Variants in PEX5L observed in about 807,000 individuals in gnomAD.
PEX5L encodes the protein PEX5-related protein.
PEX5L carries 30 observed loss-of-function variants against 84.0 expected under a neutral mutation model. The observed-to-expected ratio is 0.36, with a 90% CI of 0.27 to 0.48. The LOEUF (loss-of-function observed/expected upper bound fraction) is 0.48. Ranked by LOEUF, PEX5L falls within the 20% of genes least tolerant of loss-of-function variation. The probability of loss-of-function intolerance (pLI) is 0.99; values close to 1 mark genes in which losing one functional copy is unlikely to be tolerated. For synonymous variants in PEX5L, 270 were observed against 283.1 expected (o/e 0.95, Z 0.46); for missense variants, 533 against 754.6 (o/e 0.71, Z 3.44).
intron 7 of PEX5L, among the ~76,000 whole-genome samples, chr3:179,867,033 A>G (rs1332232258): frequency 3.3e-5 from 5 of 150,034 alleles, no homozygotes; most frequent in Non-Finnish European, 7.4e-5. Context: ...CTCAAAAAAA[A>G]AAAAAAAAGA....
In PEX5L at chr3:180,036,718, A is replaced by C; in HGVS notation, c.-119T>G. 9.5e-7 allele frequency: 1 copy of C among 1,052,604 alleles called. No homozygotes were observed. The highest frequency in any genetic ancestry group is 1.5e-6 in the Non-Finnish European group (1 of 675,946). 65.2% of individuals were successfully genotyped at this position (1,052,604 alleles called of 1,614,324 possible). A position where few individuals can be genotyped will look rare whatever the true frequency, so the allele number is the denominator to read the frequency against. Reference sequence around the variant, plus strand: ...AGCGGGTTCTCAGAGGGTGCTCCTGAGCCCCCTGGAGCTCCGGGTACTCGG... The same window carrying C: ...AGCGGGTTCTCAGAGGGTGCTCCTGCGCCCCCTGGAGCTCCGGGTACTCGG... On this transcript the variant is annotated 5_prime_UTR_variant, in exon 1 of 15. Transcript: ENST00000467460.
intron 8 of PEX5L, among the ~76,000 whole-genome samples, chr3:179,837,997 T>G (rs1340725746): frequency 1.3e-5 from 2 of 152,136 alleles, no homozygotes; most frequent in East Asian, 3.8e-4. Context: ...CCCCAAAAGT[T>G]TTAAATGTTT....
At chr3:180,025,570 G>T (rs1025616341) in intron 1 of PEX5L, among the ~76,000 whole-genome samples, 2 of 152,194 alleles carry the variant, frequency 1.3e-5, no homozygotes, top group Non-Finnish European at 2.9e-5. Flanking sequence ...CTGGGAGAGG[G>T]GTGGTGGTGC....
chr3:179,933,867 T>A (rs180803783), intron 2 of PEX5L, among the ~76,000 whole-genome samples: 1 of 152,374 alleles, frequency 6.6e-6, no homozygotes, highest in African/African-American at 2.4e-5. Context: ...CCTGCTGGTC[T>A]TAGGACCACC....
At chr3:179,842,994 T>A (rs570161982) in intron 8 of PEX5L, among the ~76,000 whole-genome samples, 1 of 152,188 alleles carries the variant, frequency 6.6e-6, no homozygotes, top group East Asian at 1.9e-4. Flanking sequence ...TACTAGATGT[T>A]CTCTTTTCCC....
At chr3:179,821,108 G>A (rs1385575850) in intron 8 of PEX5L, among the ~76,000 whole-genome samples, 2 of 152,186 alleles carry the variant, frequency 1.3e-5, no homozygotes, top group African/African-American at 2.4e-5. Flanking sequence ...GAAGCGGCGG[G>A]GCGGCGGGTG....
In PEX5L at chr3:180,019,425, G is replaced by A. The variant is rs73059356; in HGVS notation, c.21+17154C>T. Reference sequence around the variant, plus strand: ...ATTTGCTAACATTCTATAAAAGTGTGCTCCTGGCTCTGGTTGGAATTTTAG... The same window carrying A: ...ATTTGCTAACATTCTATAAAAGTGTACTCCTGGCTCTGGTTGGAATTTTAG... On this transcript the variant is annotated intron_variant, in intron 1 of 14. Coordinates refer to ENST00000467460, the MANE Select transcript of PEX5L (RefSeq NM_016559.3). 8.8e-3 allele frequency among the ~76,000 whole-genome samples: 1,333 copies of A among 152,252 alleles called. 18 individuals are homozygous for A. Among genetic ancestry groups the A allele is most frequent in the African/African-American group, 0.031 (1,271 of 41,548 alleles).
intron 7 of PEX5L, among the ~76,000 whole-genome samples, chr3:179,873,652 C>T (rs1306500805): frequency 6.6e-6 from 1 of 152,088 alleles, no homozygotes; most frequent in Non-Finnish European, 1.5e-5. Context: ...TGGTTCACAC[C>T]CTACTTCCAC....
chr3:179,974,440 A>T (rs1335004069), intron 1 of PEX5L, among the ~76,000 whole-genome samples: 1 of 152,180 alleles, frequency 6.6e-6, no homozygotes, highest in Non-Finnish European at 1.5e-5. Flanking sequence ...CTGTTCCCCT[A>T]GGTGCAGCCG....
chr3:180,018,812 TCC>T (rs1790167346), intron 1 of PEX5L, among the ~76,000 whole-genome samples: 1 of 152,158 alleles, frequency 6.6e-6, no homozygotes, highest in South Asian at 2.1e-4. Context: ...CTCAAAGGGC[TCC>T]CCCTGCCTCT....
At chr3:179,851,145 A>C (rs1464506720) in intron 8 of PEX5L, among the ~76,000 whole-genome samples, 3 of 152,204 alleles carry the variant, frequency 2.0e-5, no homozygotes, top group Admixed American at 2.0e-4. Flanking sequence ...GTTAAAGTTA[A>C]AGAGAAGTAA....
intron 2 of PEX5L, among the ~76,000 whole-genome samples, chr3:179,932,774 G>A (rs983237230): frequency 2.6e-5 from 4 of 151,946 alleles, no homozygotes; most frequent in Non-Finnish European, 5.9e-5. Context: ...TATAATGTAC[G>A]ATATGATGTT....
intron 8 of PEX5L, among the ~76,000 whole-genome samples, chr3:179,844,254 T>G (rs1272861077): frequency 2.0e-5 from 3 of 152,226 alleles, no homozygotes; most frequent in African/African-American, 7.2e-5. Flanking sequence ...CTTTATTACT[T>G]GATCCAAATA....
At chr3:179,953,480 G>T in intron 2 of PEX5L, among the ~76,000 whole-genome samples, 1 of 152,128 alleles carries the variant, frequency 6.6e-6, no homozygotes, top group East Asian at 1.9e-4. Context: ...TTAATTTAAA[G>T]ATTCTGCTGC....
intron 2 of PEX5L, among the ~76,000 whole-genome samples, chr3:179,966,565 T>C (rs1258420880): frequency 6.6e-6 from 1 of 152,160 alleles, no homozygotes; most frequent in Non-Finnish European, 1.5e-5. Flanking sequence ...GGACTATCTA[T>C]TAGCACCAGA....
intron 3 of PEX5L, 186 bp from the exon 4 acceptor site, chr3:179,887,970 C>A: frequency 1.5e-6 from 1 of 674,378 alleles, no homozygotes; most frequent in Non-Finnish European, 2.5e-6. Flanking sequence ...CCTTTTAGCA[C>A]TGTCAACATA....
At position 179,903,276 on chromosome 3, in the gene PEX5L, AGTGGTGT is replaced by A. The variant is rs1762031482; in HGVS notation, c.94-5037_94-5031del. ...CGCTCTGTCACCCAGGCTGGAGTGC[AGTGGTGT>A]GATCTCGGTTCACTGCAACCTCAAC... On this transcript the variant is annotated intron_variant, in intron 2 of 14. Coordinates refer to ENST00000467460, the MANE Select transcript of PEX5L (RefSeq NM_016559.3). Among the ~76,000 whole-genome samples, 63 of 152,208 alleles carry A rather than the reference AGTGGTGT, an allele frequency of 4.1e-4. 1 individual carries two copies. In the South Asian group the frequency reaches 0.013, roughly 31 times the overall value.
chr3:179,977,602 T>C (rs927810744), intron 1 of PEX5L, among the ~76,000 whole-genome samples: 5 of 152,116 alleles, frequency 3.3e-5, no homozygotes, highest in Admixed American at 1.3e-4. Flanking sequence ...AAGGATAAAT[T>C]TTTCCCAAAA....
intron 8 of PEX5L, 65 bp from the exon 9 acceptor site, chr3:179,820,041 T>TC (rs998445350): frequency 2.4e-5 from 39 of 1,606,194 alleles, no homozygotes; most frequent in South Asian, 1.6e-4. Flanking sequence ...GTGTTTTTCT[T>TC]CCCCCCCTAA....
Sources: gnomAD v4.1 joint callset for allele counts (sites outside exome capture counted in the v4.1 genomes callset) on GRCh38, gnomAD v4.1.1 for gene constraint, MANE v1.5 for transcripts, NCBI Gene and HGNC (gene_info 2026-07-23, HGNC 2026-07-21) for gene names.